UBASH3B: variants seen among roughly 807,000 people sequenced by gnomAD.
The protein encoded by UBASH3B is ubiquitin associated and SH3 domain containing B.
A neutral mutation model predicts 83.4 loss-of-function variants in UBASH3B; 37 were observed. That is an observed-to-expected ratio of 0.44 (90% CI 0.34 to 0.58). The LOEUF (loss-of-function observed/expected upper bound fraction) is 0.58. Among genes scored for constraint, UBASH3B ranks in the 20% least tolerant of loss-of-function variants. UBASH3B has a pLI of 0.01. For synonymous variants in UBASH3B, 304 were observed against 318.3 expected (o/e 0.96, Z 0.48); for missense variants, 657 against 827.2 (o/e 0.79, Z 2.52).
In UBASH3B at chr11:122,682,546, C is replaced by T. The variant is rs139530477; in HGVS notation, c.161+26336C>T. Among the ~76,000 whole-genome samples the T allele has an allele frequency of 6.2e-3, 942 of 152,282 alleles. 3 individuals carry two copies. The highest frequency in any genetic ancestry group is 0.02 in the African/African-American group (829 of 41,556). On this transcript the variant is annotated intron_variant, in intron 1 of 13. Transcript: ENST00000284273. ...AAAAAGTTGAGAAACACTTCTTTCT[C>T]CTTCATTTGGTTCCTGGAGCCTGAG...
rs751115327 is a variant in UBASH3B, at chr11:122,789,153, G to T, written c.825G>T (p.Leu275=). Residue 275 remains leucine (L), a synonymous_variant, in exon 6 of 14, where the codon CTG becomes CTT. Transcript: ENST00000284273. ...CACAAAATGACGATGAGCTGGAGCT[G>T]GTCCCCGGGGACTTCATCTTCATGT... is the stretch of plus-strand genomic sequence containing the variant. ...YTPQNDDELE[L]VPGDFIFMSP... The T allele has an allele frequency of 1.2e-6, 2 of 1,613,942 alleles. No homozygotes were observed. The highest frequency in any genetic ancestry group is 1.7e-6 in the Non-Finnish European group (2 of 1,180,018).
rs186734944 is a variant in UBASH3B, at chr11:122,755,295, T to C, written c.162-20924T>C. ...AGCTCCACTCCCATCTCTCAGAGTC[T>C]CGGTTTCCCACCTCGCCCATGCAGA... On this transcript the variant is annotated intron_variant, in intron 1 of 13. Coordinates refer to ENST00000284273, the MANE Select transcript of UBASH3B (RefSeq NM_032873.5). 3.3e-5 allele frequency among the ~76,000 whole-genome samples: 5 copies of C among 152,264 alleles called. No homozygotes were observed. In the East Asian group the frequency reaches 5.8e-4, roughly 18 times the overall value.
chr11:122,806,935 AGT>A lies in UBASH3B; in HGVS notation c.1702+424_1702+425del, dbSNP rs1861351765. On this transcript the variant is annotated intron_variant, in intron 12 of 13. Coordinates refer to ENST00000284273, the MANE Select transcript of UBASH3B (RefSeq NM_032873.5). The surrounding 1 kb of genome is among the most constrained non-coding windows in gnomAD (Gnocchi z 4.0). Reference sequence around the variant, plus strand: ...CAAGAGCAGTGTTGTATAAGGCTCAAGTGTGTTTGCTATTGAATTTTCTAAAC... The same window carrying A: ...CAAGAGCAGTGTTGTATAAGGCTCAAGTGTTTGCTATTGAATTTTCTAAAC... Among the ~76,000 whole-genome samples the A allele has an allele frequency of 6.6e-6, 1 of 152,192 alleles. No individual in the cohort carries two copies. The highest frequency in any genetic ancestry group is 1.9e-4 in the East Asian group (1 of 5,208).
In UBASH3B at chr11:122,740,503, C is replaced by T. The variant is rs1311099709; in HGVS notation, c.162-35716C>T. Among the ~76,000 whole-genome samples the T allele has an allele frequency of 6.5e-4, 99 of 152,266 alleles. 3 individuals carry two copies. The highest frequency in any genetic ancestry group is 2.9e-5 in the Non-Finnish European group (2 of 68,020). ...TGTGTTGTGTGCATGGTGCTAAGTA[C>T]TTGTTTTATTTCACTTGATGCACAC... On this transcript the variant is annotated intron_variant, in intron 1 of 13. Coordinates refer to ENST00000284273, the MANE Select transcript of UBASH3B (RefSeq NM_032873.5).
intron 1 of UBASH3B, among the ~76,000 whole-genome samples, chr11:122,680,165 C>T (rs1863719985): frequency 6.6e-6 from 1 of 152,188 alleles, no homozygotes; most frequent in African/African-American, 2.4e-5. Flanking sequence ...TGAAAACCAT[C>T]TTAGCTCACA....
chr11:122,770,076 G>A lies in UBASH3B; in HGVS notation c.162-6143G>A, dbSNP rs888377918. On this transcript the variant is annotated intron_variant, in intron 1 of 13. Coordinates refer to ENST00000284273, the MANE Select transcript of UBASH3B (RefSeq NM_032873.5). ...CATCCACTTGAAGGATTACATGCTT[G>A]ACCCTGTGCCTTCCCATTTCCTAAG... 7.9e-5 allele frequency among the ~76,000 whole-genome samples: 12 copies of A among 152,314 alleles called. No homozygotes were observed. In the South Asian group the frequency reaches 1.0e-3, roughly 13 times the overall value.
At chr11:122,789,029 C>CA (rs1861004321) in intron 5 of UBASH3B, 71 bp from the exon 6 acceptor site, 2 of 1,385,724 alleles carry the variant, frequency 1.4e-6, no homozygotes, top group South Asian at 1.2e-5. Flanking sequence ...GCAGAACATA[C>CA]AGTCCTGCCC....
chr11:122,693,985 C>T (rs1863928804), intron 1 of UBASH3B, among the ~76,000 whole-genome samples: 1 of 152,194 alleles, frequency 6.6e-6, no homozygotes, highest in Non-Finnish European at 1.5e-5. Context: ...ACATTTGAAG[C>T]TCTGGGGATG....
intron 1 of UBASH3B, chr11:122,774,352 A>G: frequency 1.0e-6 from 1 of 957,862 alleles, no homozygotes; most frequent in Non-Finnish European, 1.2e-6. Flanking sequence ...GCAGACTTTC[A>G]TAGGGGAAGG....
chr11:122,782,953 G>A (rs1439300280), intron 4 of UBASH3B, 100 bp from the exon 5 acceptor site: 1 of 1,387,296 alleles, frequency 7.2e-7, no homozygotes, highest in Non-Finnish European at 9.8e-7. Flanking sequence ...TATGTGGGAA[G>A]CAGAATTTCT....
intron 1 of UBASH3B, among the ~76,000 whole-genome samples, chr11:122,767,538 C>A (rs556186359): frequency 6.6e-6 from 1 of 152,256 alleles, no homozygotes; most frequent in Non-Finnish European, 1.5e-5. Context: ...GTCTCGATCT[C>A]TTGACCTCGT....
At position 122,811,248 on chromosome 11, in the gene UBASH3B, C is replaced by T. The variant is rs1861443348; in HGVS notation, c.*1362C>T. On this transcript the variant is annotated 3_prime_UTR_variant, in exon 14 of 14. Transcript: ENST00000284273. ...GATGATGGTCTCCTATGGTATAGTT[C>T]ACTCTGTAGAAGATGTATGCAAAGT... 1 of 152,588 alleles carries T rather than the reference C, an allele frequency of 6.6e-6. No homozygotes were observed. Among genetic ancestry groups the T allele is most frequent in the African/African-American group, 2.4e-5 (1 of 41,424 alleles). 9.5% of individuals were successfully genotyped at this position (152,588 alleles called of 1,614,324 possible).
chr11:122,686,045 C>T (rs1047460513), intron 1 of UBASH3B, among the ~76,000 whole-genome samples: 1 of 152,148 alleles, frequency 6.6e-6, no homozygotes, highest in Non-Finnish European at 1.5e-5. Context: ...GCTCTTTCTG[C>T]AAGACCACCA....
At position 122,789,157 on chromosome 11, in the gene UBASH3B, C is replaced by G. The variant is rs199930808; in HGVS notation, c.829C>G (p.Pro277Ala). Residue 277 changes from proline to alanine, a missense_variant, in exon 6 of 14, where the codon CCC becomes GCC. By Grantham distance (27) the Pro-to-Ala change is conservative (BLOSUM62 -1). Coordinates refer to ENST00000284273, the MANE Select transcript of UBASH3B (RefSeq NM_032873.5). ...AAATGACGATGAGCTGGAGCTGGTC[C>G]CCGGGGACTTCATCTTCATGTCTCC... ...PQNDDELELV[P>A]GDFIFMSPME... 9.3e-6 allele frequency: 15 copies of G among 1,613,988 alleles called. No individual in the cohort carries two copies. The Admixed American group carries it at 2.5e-4, about 27-fold the overall frequency.
intron 1 of UBASH3B, among the ~76,000 whole-genome samples, chr11:122,723,860 C>A (rs1860684560): frequency 6.6e-6 from 1 of 152,314 alleles, no homozygotes; most frequent in Admixed American, 6.5e-5. Context: ...CTATGGGAAA[C>A]TTTGAGTGGA....
intron 1 of UBASH3B, among the ~76,000 whole-genome samples, chr11:122,714,706 C>T (rs1256629099): frequency 1.3e-5 from 2 of 152,188 alleles, no homozygotes; most frequent in African/African-American, 4.8e-5. Context: ...AATGTGCTTC[C>T]TCTTTCCATC....
intron 1 of UBASH3B, among the ~76,000 whole-genome samples, chr11:122,688,794 G>A (rs1591769833): frequency 1.3e-5 from 2 of 152,064 alleles, no homozygotes; most frequent in South Asian, 2.1e-4. Context: ...ACAGGCGCCC[G>A]CCACCACGCC....
chr11:122,670,565 T>A (rs1479166174), intron 1 of UBASH3B, among the ~76,000 whole-genome samples: 1 of 152,122 alleles, frequency 6.6e-6, no homozygotes, highest in Non-Finnish European at 1.5e-5. Context: ...ATAATACACA[T>A]AAGAATGGTG....
At chr11:122,807,368 G>A (rs946410042) in intron 12 of UBASH3B, among the ~76,000 whole-genome samples, 3 of 152,122 alleles carry the variant, frequency 2.0e-5, no homozygotes, top group African/African-American at 4.8e-5. Flanking sequence ...ATGCACAAAC[G>A]ACTTCTTGCA....
Sources: gnomAD v4.1 joint callset for allele counts (sites outside exome capture counted in the v4.1 genomes callset) on GRCh38, gnomAD v4.1.1 for gene constraint, Gnocchi (gnomAD v3.1) non-coding constraint, MANE v1.5 for transcripts, NCBI Gene and HGNC (gene_info 2026-07-23, HGNC 2026-07-21) for gene names.